The following ABCA1 variants were observed in gnomAD, a reference collection of about 807,000 sequenced individuals.
The protein encoded by ABCA1 is phospholipid-transporting ATPase ABCA1.
ABCA1 carries 133 observed loss-of-function variants against 262.5 expected under a neutral mutation model. The observed-to-expected ratio is 0.51, with a 90% confidence interval of 0.44 to 0.59. ABCA1 has a LOEUF of 0.59. ABCA1 is among the 20% of genes least tolerant of loss of function. ABCA1 has a pLI of 0.00. For synonymous variants in ABCA1, 1,022 were observed against 1,043.5 expected (o/e 0.98, Z 0.40); for missense variants, 2,452 against 2,777.5 (o/e 0.88, Z 2.63).
intron 19 of ABCA1, 138 bp downstream of exon 19, chr9:104,822,358 C>T (rs192608011): frequency 8.8e-7 from 1 of 1,141,928 alleles, no homozygotes; most frequent in Non-Finnish European, 1.3e-6. Flanking sequence ...GATTAGATAA[C>T]ATGTTCACAT....
chr9:104,858,488 G>C (rs1281387332), intron 7 of ABCA1, 34 bp downstream of exon 7: 2 of 1,607,374 alleles, frequency 1.2e-6, no homozygotes, highest in Non-Finnish European at 1.7e-6. Flanking sequence ...AAGCATTAGT[G>C]CTTGAAGTTT....
At chr9:104,890,365 A>ACAG (rs1470098600) in intron 2 of ABCA1, among the ~76,000 whole-genome samples, 1 of 152,148 alleles carries the variant, frequency 6.6e-6, no homozygotes, top group African/African-American at 2.4e-5. Context: ...GGATCAGCTG[A>ACAG]GGTCAGGAAT....
chr9:104,801,283 A>C lies in ABCA1; in HGVS notation c.4699-699T>G, dbSNP rs561062163. The stretch of plus-strand genomic sequence containing the variant: ...CGCCCAGGCTGGAGTGCAGTGGTGC[A>C]ATCTGGGCTCACTGCAACCTCCGCC... On this transcript the variant is annotated intron_variant, in intron 34 of 49. Coordinates refer to ENST00000374736, the MANE Select transcript of ABCA1 (RefSeq NM_005502.4). 3.0e-4 allele frequency among the ~76,000 whole-genome samples: 45 copies of C among 150,526 alleles called. 1 individual carries two copies. In the South Asian group the frequency reaches 9.5e-3, roughly 32 times the overall value.
Position 104,796,419 on chromosome 9 carries a change from A to G in ABCA1, c.5127T>C (p.Asn1709=). ...WLSNFVWDMC[N]YVVPATLVII... ...TGACCAGTGTGGCAGGGACAACGTA[A>G]TTGCACTAAAAGTGAAAACAAAGAC... is the stretch of plus-strand genomic sequence containing the variant. The change falls in exon 38 of 50, where the codon AAT becomes AAC. Residue 1709 remains asparagine, a synonymous_variant. Coordinates refer to ENST00000374736, the MANE Select transcript of ABCA1 (RefSeq NM_005502.4). 1 of 1,613,496 alleles carries G rather than the reference A, an allele frequency of 6.2e-7. No homozygotes were observed. Among genetic ancestry groups the G allele is most frequent in the Non-Finnish European group, 8.5e-7 (1 of 1,179,614 alleles).
At chr9:104,889,640 C>A (rs1307426786) in intron 2 of ABCA1, among the ~76,000 whole-genome samples, 1 of 152,198 alleles carries the variant, frequency 6.6e-6, no homozygotes, top group Non-Finnish European at 1.5e-5. Flanking sequence ...AGGCACCCAT[C>A]TGTCTGCATT....
chr9:104,870,481 T>G (rs1056861211), intron 5 of ABCA1, among the ~76,000 whole-genome samples: 1 of 152,224 alleles, frequency 6.6e-6, no homozygotes, highest in Non-Finnish European at 1.5e-5. Context: ...TCCCCCAGAT[T>G]ACTTTGCTAG....
chr9:104,813,437 A>C (rs941650138), intron 27 of ABCA1, among the ~76,000 whole-genome samples: 1 of 151,976 alleles, frequency 6.6e-6, no homozygotes, highest in Non-Finnish European at 1.5e-5. Context: ...TTTGAGATGG[A>C]GTTTTCACTC....
In ABCA1 at chr9:104,786,291, T is replaced by TTATTACC. The variant is rs1485447538; in HGVS notation, c.6401_6401+6dup. On this transcript the variant is annotated splice_region_variant and intron_variant, in intron 48 of 49. Transcript: ENST00000374736. The stretch of plus-strand genomic sequence containing the variant: ...AGGCACTATCCCAAAGAAATTATCT[T>TTATTACC]TATTACCTATTTTTTAGATGCTGGA... 6.2e-7 allele frequency: 1 copy of TTATTACC among 1,609,650 alleles called. No individual in the cohort carries two copies.
rs1294855458 is a variant in ABCA1, at chr9:104,862,631, T to TGCTGGGCCGGGCCGG, written c.422-832_422-831insCCGGCCCGGCCCAGC. On this transcript the variant is annotated intron_variant, in intron 5 of 49. Transcript: ENST00000374736. Reference sequence around the variant, plus strand: ...CTGGAGAGCTTGTTAAAATGCAGACTGCCGGGCCGGGCCGGGCCGGGCCGG... The same window carrying TGCTGGGCCGGGCCGG: ...CTGGAGAGCTTGTTAAAATGCAGACTGCTGGGCCGGGCCGGGCCGGGCCGGGCCGGGCCGGGCCGG... 1.3e-4 allele frequency among the ~76,000 whole-genome samples: 3 copies of TGCTGGGCCGGGCCGG among 22,942 alleles called. 1 individual carries two copies. Among genetic ancestry groups the TGCTGGGCCGGGCCGG allele is most frequent in the Non-Finnish European group, 7.6e-5 (1 of 13,184 alleles). 15.1% of individuals were successfully genotyped at this position (22,942 alleles called of 152,430 possible). A position where few individuals can be genotyped will look rare whatever the true frequency, so the allele number is the denominator to read the frequency against.
chr9:104,902,172 GT>G (rs1474187994), intron 2 of ABCA1, among the ~76,000 whole-genome samples: 1 of 152,080 alleles, frequency 6.6e-6, no homozygotes, highest in East Asian at 1.9e-4. Flanking sequence ...TAAACACTTT[GT>G]TTTCATTTCA....
rs141268499 is a variant in ABCA1 at position 104,833,690 on chromosome 9, C to T, written c.1312-919G>A. The stretch of plus-strand genomic sequence containing the variant: ...GTTGATCCCACATAAAACCTAATTC[C>T]TTCTTACTGCTTAGTTTAGAAAAAT... On this transcript the variant is annotated intron_variant, in intron 11 of 49. Transcript: ENST00000374736. Among the ~76,000 whole-genome samples the T allele has an allele frequency of 7.2e-3, 1,102 of 152,282 alleles. 11 individuals are homozygous for T. Among genetic ancestry groups the T allele is most frequent in the African/African-American group, 0.025 (1,041 of 41,558 alleles).
chr9:104,785,705 C>G, intron 48 of ABCA1, 66 bp from the exon 49 acceptor site: 6 of 1,601,604 alleles, frequency 3.7e-6, no homozygotes, highest in Non-Finnish European at 1.7e-6. Flanking sequence ...ATACTGAACC[C>G]TGGGAACCCA....
intron 49 of ABCA1, 132 bp downstream of exon 49, chr9:104,785,264 T>C (rs1828822305): frequency 2.6e-5 from 32 of 1,218,936 alleles, no homozygotes; most frequent in Non-Finnish European, 3.4e-5. Flanking sequence ...GTAAAAAGCA[T>C]AGCTAGGAAT....
At chr9:104,880,260 A>G (rs944706653) in intron 5 of ABCA1, among the ~76,000 whole-genome samples, 2 of 152,184 alleles carry the variant, frequency 1.3e-5, no homozygotes, top group African/African-American at 4.8e-5. Flanking sequence ...GCAGATAAAC[A>G]CAGGTCTCTA....
intron 2 of ABCA1, among the ~76,000 whole-genome samples, chr9:104,903,293 G>A (rs938547711): frequency 2.0e-5 from 3 of 152,168 alleles, no homozygotes; most frequent in Non-Finnish European, 4.4e-5. Context: ...TGGAGAGCCA[G>A]GTGGCTCCCA....
chr9:104,828,864 T>G, intron 15 of ABCA1, 52 bp downstream of exon 15: 3 of 1,575,668 alleles, frequency 1.9e-6, no homozygotes, highest in African/African-American at 1.4e-5. Flanking sequence ...TTAGCCCGTG[T>G]TGAGCTATTT....
At chr9:104,892,880 C>T (rs1839872432) in intron 2 of ABCA1, among the ~76,000 whole-genome samples, 1 of 152,068 alleles carries the variant, frequency 6.6e-6, no homozygotes, top group Non-Finnish European at 1.5e-5. Flanking sequence ...ATATTGGAAA[C>T]AACTTAATTG....
chr9:104,810,525 A>C (rs892052629), intron 29 of ABCA1, among the ~76,000 whole-genome samples: 4 of 152,166 alleles, frequency 2.6e-5, no homozygotes, highest in African/African-American at 9.7e-5. Flanking sequence ...GATTTTTGCA[A>C]GGGTGGATTA....
At chr9:104,890,822 TA>T (rs1034545904) in intron 2 of ABCA1, among the ~76,000 whole-genome samples, 52 of 152,040 alleles carry the variant, frequency 3.4e-4, no homozygotes, top group African/African-American at 1.1e-3. Context: ...AATTTGAAAA[TA>T]AAAAAATACA....
Sources: allele counts gnomAD v4.1 joint callset (sites outside exome capture counted in the v4.1 genomes callset), GRCh38; gene constraint gnomAD v4.1.1; transcripts MANE v1.5; gene names NCBI Gene and HGNC (gene_info 2026-07-23, HGNC 2026-07-21).